The following IGSF21 variants were observed in gnomAD, a reference collection of about 807,000 sequenced individuals.
IGSF21 encodes the protein immunoglobulin superfamily member 21.
A neutral mutation model predicts 46.8 loss-of-function variants in IGSF21; 28 were observed. That is an observed-to-expected ratio of 0.60 (90% CI 0.44 to 0.82). IGSF21 has a LOEUF of 0.82. IGSF21 is among the 40% of genes least tolerant of loss of function. IGSF21 has a pLI of 0.00. For synonymous variants in IGSF21, 284 were observed against 273.6 expected, an observed-to-expected ratio of 1.04 and a Z score of -0.38; for missense variants, 624 against 665.5, an observed-to-expected ratio of 0.94 and a Z score of 0.69.
intron 2 of IGSF21, among the ~76,000 whole-genome samples, chr1:18,237,786 C>T (rs2084686993): frequency 6.6e-6 from 1 of 152,164 alleles, no homozygotes; most frequent in Non-Finnish European, 1.5e-5. Context: ...AGTCCATTGT[C>T]TTTAGCCTTT....
At chr1:18,123,415 G>A (rs571358900) in intron 1 of IGSF21, among the ~76,000 whole-genome samples, 4 of 152,170 alleles carry the variant, frequency 2.6e-5, no homozygotes, top group African/African-American at 7.2e-5. Context: ...GCTCTGGCTC[G>A]GGCCTTCTAC....
intron 2 of IGSF21, among the ~76,000 whole-genome samples, chr1:18,284,266 A>T (rs923070210): frequency 6.6e-6 from 1 of 152,204 alleles, no homozygotes; most frequent in Non-Finnish European, 1.5e-5. Context: ...GGATGGCGGC[A>T]GATCTGCTTA....
chr1:18,189,865 T>C (rs937797235), intron 1 of IGSF21, among the ~76,000 whole-genome samples: 8 of 151,684 alleles, frequency 5.3e-5, no homozygotes, highest in Admixed American at 3.3e-4. Flanking sequence ...TTGAACTTGG[T>C]TCCTCTGCCC....
At chr1:18,309,563 C>A (rs1262677359) in intron 3 of IGSF21, among the ~76,000 whole-genome samples, 2 of 152,162 alleles carry the variant, frequency 1.3e-5, no homozygotes, top group African/African-American at 4.8e-5. Flanking sequence ...AGGAGAACCC[C>A]ACATCTGTCC....
At chr1:18,162,859 G>T (rs1396537521) in intron 1 of IGSF21, among the ~76,000 whole-genome samples, 1 of 152,154 alleles carries the variant, frequency 6.6e-6, no homozygotes, top group African/African-American at 2.4e-5. Flanking sequence ...GGAAGGAGCC[G>T]CTCTCCTGGG....
chr1:18,237,253 C>T (rs898205061), intron 2 of IGSF21, among the ~76,000 whole-genome samples: 2 of 152,092 alleles, frequency 1.3e-5, no homozygotes, highest in African/African-American at 2.4e-5. Flanking sequence ...TCCTGCTCTA[C>T]CATTTAATTA....
intron 4 of IGSF21, among the ~76,000 whole-genome samples, chr1:18,346,780 G>T (rs901201867): frequency 3.9e-5 from 6 of 152,222 alleles, no homozygotes; most frequent in African/African-American, 1.2e-4. Flanking sequence ...GAAGTGGGGG[G>T]CCTGAGACAG....
chr1:18,219,631 G>C (rs1239321433), intron 1 of IGSF21, among the ~76,000 whole-genome samples: 3 of 152,176 alleles, frequency 2.0e-5, no homozygotes, highest in Non-Finnish European at 4.4e-5. Flanking sequence ...ATGAGAAAAA[G>C]AGGAGGTTCC....
intron 3 of IGSF21, among the ~76,000 whole-genome samples, chr1:18,302,918 C>A (rs2085375868): frequency 6.6e-6 from 1 of 152,222 alleles, no homozygotes; most frequent in Non-Finnish European, 1.5e-5. Flanking sequence ...CTTGGACCCA[C>A]AAGGAGGCCA....
chr1:18,305,581 G>GGAT (rs2085417505), intron 3 of IGSF21, among the ~76,000 whole-genome samples: 1 of 141,356 alleles, frequency 7.1e-6, no homozygotes, highest in Non-Finnish European at 1.6e-5. Context: ...GATGGATTAT[G>GGAT]GATGGATGGA....
rs35019096 is a variant in IGSF21 at position 18,367,603 on chromosome 1, C to CTTTTTTTTTTTTTT, written c.1015+1915_1015+1928dup. On this transcript the variant is annotated intron_variant, in intron 6 of 9. Transcript: ENST00000251296. ...GACCTTTGATATTCTCTCTCTCTCTCTTTTTTTTTTTTTTTTTTTTTTGAC... is the reference window on the plus strand; with the variant it reads ...GACCTTTGATATTCTCTCTCTCTCTCTTTTTTTTTTTTTTTTTTTTTTTTTTTTTTTTTTTTGAC... Among the ~76,000 whole-genome samples, 434 of 73,936 alleles carry CTTTTTTTTTTTTTT rather than the reference C, an allele frequency of 5.9e-3. 38 individuals carry two copies. The highest frequency in any genetic ancestry group is 8.5e-3 in the Non-Finnish European group (338 of 39,536). The allele number at this position is 73,936 out of a possible 152,430, so 48.5% of individuals were successfully genotyped here.
chr1:18,287,858 C>T (rs566184799), intron 2 of IGSF21, among the ~76,000 whole-genome samples: 3 of 152,340 alleles, frequency 2.0e-5, no homozygotes, highest in Admixed American at 2.0e-4. Context: ...GGTGTGGGCT[C>T]CCTTCTTTCA....
Position 18,322,374 on chromosome 1 carries a change from G to C in IGSF21, c.306-12518G>C, listed in dbSNP as rs223220. On this transcript the variant is annotated intron_variant, in intron 3 of 9. Transcript: ENST00000251296. The surrounding 1 kb of genome is among the most constrained non-coding windows in gnomAD (Gnocchi z 4.3). ...TTCCACGCCCGTCTTCCCTCTTCTG[G>C]TGGAGGCAGGCTTGGTTCCAACAGG... 0.6 allele frequency among the ~76,000 whole-genome samples: 90,623 copies of C among 151,830 alleles called. 28,528 individuals carry two copies. The highest frequency in any genetic ancestry group is 0.8 in the African/African-American group (33,207 of 41,414).
chr1:18,131,167 T>C (rs2124416549), intron 1 of IGSF21, among the ~76,000 whole-genome samples: 1 of 152,356 alleles, frequency 6.6e-6, no homozygotes, highest in Admixed American at 6.5e-5. Flanking sequence ...TGAGGCTTCC[T>C]GTCCCTGCTT....
intron 1 of IGSF21, among the ~76,000 whole-genome samples, chr1:18,190,119 G>T (rs944975063): frequency 2.0e-5 from 3 of 152,302 alleles, no homozygotes; most frequent in Admixed American, 2.0e-4. Flanking sequence ...CCAGACCCAA[G>T]GTGATGCTCT....
intron 1 of IGSF21, among the ~76,000 whole-genome samples, chr1:18,208,272 T>C (rs1343837543): frequency 1.3e-5 from 2 of 150,302 alleles, no homozygotes; most frequent in Non-Finnish European, 3.0e-5. Context: ...TCAGTTCCCC[T>C]GGGAAGGAAT....
intron 1 of IGSF21, among the ~76,000 whole-genome samples, chr1:18,139,587 C>T (rs2086396528): frequency 6.6e-6 from 1 of 152,204 alleles, no homozygotes; most frequent in African/African-American, 2.4e-5. Flanking sequence ...GGCAGTGTGG[C>T]TCAGTGGTTA....
At chr1:18,255,493 T>G (rs2084883618) in intron 2 of IGSF21, among the ~76,000 whole-genome samples, 1 of 152,166 alleles carries the variant, frequency 6.6e-6, no homozygotes, top group Non-Finnish European at 1.5e-5. Context: ...TCTGCCATCA[T>G]GCCCCTAACT....
chr1:18,154,523 A>G (rs1002396278), intron 1 of IGSF21, among the ~76,000 whole-genome samples: 1 of 151,870 alleles, frequency 6.6e-6, no homozygotes, highest in Admixed American at 6.6e-5. Context: ...CCCTGAGAGA[A>G]GCTCACATGT....
Sources: allele counts gnomAD v4.1 joint callset (sites outside exome capture counted in the v4.1 genomes callset), GRCh38; gene constraint gnomAD v4.1.1; non-coding constraint Gnocchi (gnomAD v3.1); transcripts MANE v1.5; gene names NCBI Gene and HGNC (gene_info 2026-07-23, HGNC 2026-07-21).